The following PALS1 variants were observed in gnomAD, a reference collection of about 807,000 sequenced individuals.
PALS1 encodes protein PALS1.
Under a neutral mutation model 78.9 loss-of-function variants are expected in PALS1, and 31 were observed. The ratio of observed to expected loss-of-function variants is 0.39; its 90% confidence interval spans 0.30 to 0.53. PALS1 has a LOEUF of 0.53. PALS1 is among the 20% of genes least tolerant of loss of function. PALS1 has a pLI of 0.67. For synonymous variants in PALS1, 276 were observed against 270.9 expected, an observed-to-expected ratio of 1.02 and a Z score of -0.18; for missense variants, 704 against 826.5, an observed-to-expected ratio of 0.85 and a Z score of 1.82.
chr14:67,298,748 A>G (rs188205237), intron 4 of PALS1, among the ~76,000 whole-genome samples: 1 of 152,278 alleles, frequency 6.6e-6, no homozygotes, highest in Non-Finnish European at 1.5e-5. Flanking sequence ...ACATCTGTAA[A>G]ACATACAACT....
intron 1 of PALS1, among the ~76,000 whole-genome samples, chr14:67,251,387 G>C (rs2084060856): frequency 1.3e-5 from 2 of 152,236 alleles, no homozygotes; most frequent in African/African-American, 4.8e-5. Flanking sequence ...ACGAAAATTA[G>C]CTGGACTTGG....
Position 67,279,223 on chromosome 14 carries a change from TA to T in PALS1, c.59del (p.Asn20MetfsTer28). 6.2e-7 allele frequency: 1 copy of T among 1,611,348 alleles called. No individual in the cohort carries two copies. The highest frequency in any genetic ancestry group is 8.5e-7 in the Non-Finnish European group (1 of 1,179,098). On this transcript the variant is annotated frameshift_variant, in exon 3 of 15. Coordinates refer to ENST00000261681, the MANE Select transcript of PALS1 (RefSeq NM_022474.4). LOFTEE classifies it high-confidence loss of function. ...GTTACAGAGGAATCAGACAGCGAAG[TA>T]AAAAATGTTGATCTTGCATCACCAG... is the stretch of plus-strand genomic sequence containing the variant. ...GHVTEESDSE[V>X]KNVDLASPEE...
chr14:67,262,579 A>C (rs1324863464), intron 1 of PALS1, among the ~76,000 whole-genome samples: 2 of 152,160 alleles, frequency 1.3e-5, no homozygotes, highest in African/African-American at 4.8e-5. Context: ...TAAAGGAATA[A>C]AACATTGTCT....
chr14:67,330,625 AT>A (rs1040266515), intron 14 of PALS1, among the ~76,000 whole-genome samples: 1 of 151,216 alleles, frequency 6.6e-6, no homozygotes, highest in African/African-American at 2.4e-5. Context: ...CGCCCAGCTA[AT>A]TTTGTATTTT....
At chr14:67,241,880 C>G (rs1023448557) in intron 1 of PALS1, 1 of 151,948 alleles carries the variant, frequency 6.6e-6, no homozygotes, top group Non-Finnish European at 1.5e-5. Flanking sequence ...TCTCCGAGGT[C>G]GCGACGCGCG....
chr14:67,282,043 A>C lies in PALS1; in HGVS notation c.367+2506A>C, dbSNP rs190853237. ...CTTGGATAGGAGAAGATGTATTTTG[A>C]GAAATAAATGATATATTTTATGTTG... is the stretch of plus-strand genomic sequence containing the variant. On this transcript the variant is annotated intron_variant, in intron 3 of 14. Transcript: ENST00000261681. Among the ~76,000 whole-genome samples the C allele has an allele frequency of 3.3e-4, 51 of 152,314 alleles. 3 individuals are homozygous for C. Among genetic ancestry groups the C allele is most frequent in the Admixed American group, 3.1e-3 (47 of 15,304 alleles).
intron 1 of PALS1, among the ~76,000 whole-genome samples, chr14:67,265,817 A>G (rs894351974): frequency 2.0e-5 from 3 of 151,110 alleles, no homozygotes; most frequent in Non-Finnish European, 4.4e-5. Context: ...AAATCGCGCC[A>G]CTGCACTCCA....
chr14:67,260,156 G>T (rs770416519), intron 1 of PALS1, among the ~76,000 whole-genome samples: 23 of 152,106 alleles, frequency 1.5e-4, no homozygotes, highest in Non-Finnish European at 2.2e-4. Flanking sequence ...AGGTTTAAGC[G>T]CCAGCTCTCC....
chr14:67,334,767 C>G lies in PALS1; in HGVS notation c.*1811C>G, dbSNP rs1164571114. ...TTTAGAGCCAGGAAATTTCACAGGTCACACCGATTTTTAGCATTAAAAACT... is the reference window on the plus strand; with the variant it reads ...TTTAGAGCCAGGAAATTTCACAGGTGACACCGATTTTTAGCATTAAAAACT... On this transcript the variant is annotated 3_prime_UTR_variant, in exon 15 of 15. Transcript: ENST00000261681. 6.6e-6 allele frequency: 1 copy of G among 152,204 alleles called. No individual in the cohort carries two copies. Among genetic ancestry groups the G allele is most frequent in the Non-Finnish European group, 1.5e-5 (1 of 68,034 alleles). 9.4% of individuals were successfully genotyped at this position (152,204 alleles called of 1,614,324 possible).
rs1005670215 is a variant in PALS1 at position 67,335,680 on chromosome 14, A to G, written c.*2724A>G. On this transcript the variant is annotated 3_prime_UTR_variant, in exon 15 of 15. Coordinates refer to ENST00000261681, the MANE Select transcript of PALS1 (RefSeq NM_022474.4). ...AATATAAAGCAGGGATTTAGCCTTA[A>G]TAAAGGTAACCTTCTGACATCTGTT... 6.5e-6 allele frequency: 1 copy of G among 152,686 alleles called. No homozygotes were observed. Among genetic ancestry groups the G allele is most frequent in the East Asian group, 1.9e-4 (1 of 5,204 alleles). 9.5% of individuals were successfully genotyped at this position (152,686 alleles called of 1,614,324 possible). A position where few individuals can be genotyped will look rare whatever the true frequency, so the allele number is the denominator to read the frequency against.
chr14:67,295,221 A>G (rs976895115), intron 4 of PALS1, among the ~76,000 whole-genome samples: 1 of 151,666 alleles, frequency 6.6e-6, no homozygotes, highest in Non-Finnish European at 1.5e-5. Context: ...TGGGAGGCTC[A>G]CGCCTGTAAT....
chr14:67,330,846 G>T (rs1334277010), intron 14 of PALS1, among the ~76,000 whole-genome samples: 1 of 152,168 alleles, frequency 6.6e-6, no homozygotes, highest in African/African-American at 2.4e-5. Context: ...GATTTTAACT[G>T]ATTTATAATT....
intron 8 of PALS1, 152 bp from the exon 9 acceptor site, chr14:67,312,375 T>G: frequency 2.0e-6 from 1 of 496,040 alleles, no homozygotes; most frequent in Non-Finnish European, 3.2e-6. Flanking sequence ...GCTAGAAATT[T>G]GAGATTATCC....
intron 2 of PALS1, among the ~76,000 whole-genome samples, chr14:67,274,879 T>A (rs182556024): frequency 0.019 from 2,958 of 152,080 alleles, 40 homozygotes; most frequent in Middle Eastern, 0.034. Context: ...ATTCTCTTTG[T>A]AGCAATTGTG....
chr14:67,325,979 C>CTTTTTTTTTTTT (rs61592505), intron 14 of PALS1, among the ~76,000 whole-genome samples: 401 of 110,158 alleles, frequency 3.6e-3, no homozygotes, highest in African/African-American at 0.01. Flanking sequence ...CGGCTCTTTT[C>CTTTTTTTTTTTT]TTTTTTTTTT....
chr14:67,308,521 ACT>A (rs1432217349), intron 8 of PALS1, among the ~76,000 whole-genome samples: 1 of 147,834 alleles, frequency 6.8e-6, no homozygotes, highest in Non-Finnish European at 1.5e-5. Flanking sequence ...TTAGATCAGC[ACT>A]CTCCAAATAT....
chr14:67,288,005 G>C (rs117714630), intron 3 of PALS1, among the ~76,000 whole-genome samples: 1,835 of 152,270 alleles, frequency 0.012, 19 homozygotes, highest in Non-Finnish European at 0.018. Context: ...GTCTATGGCT[G>C]CTTGTTGATT....
At chr14:67,258,673 C>T (rs1463656317) in intron 1 of PALS1, among the ~76,000 whole-genome samples, 2 of 152,194 alleles carry the variant, frequency 1.3e-5, no homozygotes, top group Non-Finnish European at 2.9e-5. Context: ...CCACCTGCCT[C>T]GGCCTCCCAA....
At chr14:67,274,178 T>C (rs1166862646) in intron 2 of PALS1, among the ~76,000 whole-genome samples, 2 of 152,224 alleles carry the variant, frequency 1.3e-5, no homozygotes, top group South Asian at 4.1e-4. Context: ...TTTGGTGTTT[T>C]AGTCATGAAG....
Sources: allele counts gnomAD v4.1 joint callset (sites outside exome capture counted in the v4.1 genomes callset), GRCh38; gene constraint gnomAD v4.1.1; transcripts MANE v1.5; gene names NCBI Gene and HGNC (gene_info 2026-07-23, HGNC 2026-07-21).